Variants in DOP1B observed in about 807,000 individuals in gnomAD.
The protein encoded by DOP1B is protein DOP1B.
A neutral mutation model predicts 233.5 loss-of-function variants in DOP1B; 174 were observed. The ratio of observed to expected loss-of-function variants is 0.75; its 90% CI spans 0.66 to 0.85. The LOEUF is 0.85. DOP1B is among the 40% of genes least tolerant of loss of function. The pLI is 0.00. For missense variants in DOP1B, 2,652 were observed against 2,846.6 expected (o/e 0.93, Z 1.56); for synonymous variants, 1,190 against 1,185.6 (o/e 1.00, Z -0.08).
chr21:36,277,673 G>A lies in DOP1B; in HGVS notation c.5713-302G>A, dbSNP rs576661263. Among the ~76,000 whole-genome samples the A allele has an allele frequency of 6.5e-4, 97 of 148,812 alleles. No individual in the cohort carries two copies. The highest frequency in any genetic ancestry group is 2.4e-3 in the African/African-American group (95 of 40,394). ...CTTTCTGTTTTCTTTTTTTGAGATG[G>A]AGTCTCGCTCTGGAGTCTGCACTCA... On this transcript the variant is annotated intron_variant, in intron 28 of 36. Coordinates refer to ENST00000691173, the MANE Select transcript of DOP1B (RefSeq NM_001320714.2).
At chr21:36,286,284 T>C (rs138983291) in intron 32 of DOP1B, among the ~76,000 whole-genome samples, 33 of 152,138 alleles carry the variant, frequency 2.2e-4, no homozygotes, top group Non-Finnish European at 4.0e-4. Context: ...TTAATAACAC[T>C]GCATATGTAC....
At chr21:36,169,503 C>T in intron 2 of DOP1B, 2 of 1,120,142 alleles carry the variant, frequency 1.8e-6, no homozygotes, top group South Asian at 2.6e-5. Flanking sequence ...CCTTTGTAGC[C>T]TTTGCCCTTG....
chr21:36,287,882 G>A, intron 32 of DOP1B, 132 bp from the exon 33 acceptor site: 1 of 1,167,296 alleles, frequency 8.6e-7, no homozygotes, highest in Non-Finnish European at 1.2e-6. Context: ...ACCAAGCCTG[G>A]CCTGTAACAC....
intron 10 of DOP1B, among the ~76,000 whole-genome samples, chr21:36,221,746 T>G (rs2066625472): frequency 6.6e-6 from 1 of 151,948 alleles, no homozygotes; most frequent in Non-Finnish European, 1.5e-5. Context: ...TGGCTAATTT[T>G]TTGTATTTTT....
rs373300475 is a variant in DOP1B at position 36,215,181 on chromosome 21, G to C, written c.1129+625G>C. ...TCATACTTAAAATGAGCTTTGGTTT[G>C]ATTTTCAATTAAGTAGGGGACCCCG... On this transcript the variant is annotated intron_variant, in intron 9 of 36. Coordinates refer to ENST00000691173, the MANE Select transcript of DOP1B (RefSeq NM_001320714.2). Among the ~76,000 whole-genome samples, 20 of 152,118 alleles carry C rather than the reference G, an allele frequency of 1.3e-4. No individual in the cohort carries two copies. In the East Asian group the frequency reaches 3.7e-3, roughly 28 times the overall value.
chr21:36,203,717 A>G (rs961315125), intron 4 of DOP1B, among the ~76,000 whole-genome samples: 5 of 151,984 alleles, frequency 3.3e-5, no homozygotes, highest in South Asian at 2.1e-4. Context: ...GAAGGCTGGG[A>G]TGACTCACAG....
intron 9 of DOP1B, among the ~76,000 whole-genome samples, chr21:36,219,145 G>A (rs1248834485): frequency 3.9e-5 from 6 of 152,184 alleles, no homozygotes; most frequent in Admixed American, 6.5e-5. Context: ...GCGTAGAAGG[G>A]TGTCTGGCAC....
rs542101998 is a variant in DOP1B, at chr21:36,189,505, C to T, written c.139-9565C>T. Among the ~76,000 whole-genome samples, 18 of 151,820 alleles carry T rather than the reference C, an allele frequency of 1.2e-4. No homozygotes were observed. The South Asian group carries it at 1.5e-3, about 12-fold the overall frequency. ...ATCCCAGCACTTTGGGAGGCCAAGA[C>T]GGTGGATCACAAGGTCAGGAGTTCG... On this transcript the variant is annotated intron_variant, in intron 2 of 36. Transcript: ENST00000691173.
intron 32 of DOP1B, 144 bp from the exon 33 acceptor site, chr21:36,287,870 C>G (rs902353095): frequency 5.8e-6 from 6 of 1,032,504 alleles, no homozygotes; most frequent in Non-Finnish European, 8.2e-6. Context: ...CAAGTGCGAG[C>G]CACCAAGCCT....
At chr21:36,252,377 G>A (rs866916907) in intron 22 of DOP1B, among the ~76,000 whole-genome samples, 1 of 149,206 alleles carries the variant, frequency 6.7e-6, no homozygotes, top group South Asian at 2.1e-4. Context: ...AGGATCACTT[G>A]AAGCCAGGAA....
intron 13 of DOP1B, among the ~76,000 whole-genome samples, chr21:36,229,085 A>G (rs539135101): frequency 6.6e-6 from 1 of 152,364 alleles, no homozygotes; most frequent in African/African-American, 2.4e-5. Flanking sequence ...AACTACAGTT[A>G]ATGGGCTAGT....
intron 4 of DOP1B, among the ~76,000 whole-genome samples, chr21:36,206,479 G>T (rs1169393658): frequency 6.7e-6 from 1 of 150,338 alleles, no homozygotes; most frequent in Non-Finnish European, 1.5e-5. Flanking sequence ...GCAGTGAGCT[G>T]TGTTCATGCC....
At chr21:36,247,254 A>G (rs141188410) in intron 19 of DOP1B, among the ~76,000 whole-genome samples, 2 of 152,316 alleles carry the variant, frequency 1.3e-5, no homozygotes, top group African/African-American at 2.4e-5. Context: ...ACTCTCTACT[A>G]TTTTTGCAAA....
At chr21:36,174,658 G>A (rs984093621) in intron 2 of DOP1B, among the ~76,000 whole-genome samples, 2 of 152,108 alleles carry the variant, frequency 1.3e-5, no homozygotes, top group Middle Eastern at 3.2e-3. Flanking sequence ...GCATGTGTGC[G>A]CTACCATGCC....
intron 23 of DOP1B, among the ~76,000 whole-genome samples, chr21:36,260,161 A>G (rs1370053312): frequency 2.7e-3 from 5 of 1,842 alleles, no homozygotes; most frequent in Admixed American, 0.026. Flanking sequence ...TGTAAAAAGA[A>G]AAAAAAAAAA....
intron 13 of DOP1B, 69 bp from the exon 14 acceptor site, chr21:36,230,381 G>A: frequency 6.8e-7 from 1 of 1,475,018 alleles, no homozygotes; most frequent in East Asian, 2.3e-5. Context: ...ATACATTCAT[G>A]ATTTCAACTG....
At chr21:36,197,134 A>G (rs773739053) in intron 2 of DOP1B, among the ~76,000 whole-genome samples, 1 of 151,820 alleles carries the variant, frequency 6.6e-6, no homozygotes, top group Non-Finnish European at 1.5e-5. Flanking sequence ...GGGTTTCATC[A>G]TGTTGGCCAG....
chr21:36,286,962 TC>T (rs1266545100), intron 32 of DOP1B, among the ~76,000 whole-genome samples: 1 of 147,672 alleles, frequency 6.8e-6, no homozygotes. Flanking sequence ...AGACTCCATC[TC>T]AAAAAAAAAA....
rs944654306 is a variant in DOP1B at position 36,200,363 on chromosome 21, C to A, written c.353C>A (p.Ala118Glu). The A allele has an allele frequency of 1.2e-6, 2 of 1,608,078 alleles. No individual in the cohort carries two copies. Among genetic ancestry groups the A allele is most frequent in the Non-Finnish European group, 1.7e-6 (2 of 1,177,898 alleles). ...CGLFPLLAHA[A>E]VSVRPVLLTL... ...TTATTTCCTCTCCTGGCACACGCGG[C>A]GGTGTCGGTGAGGCCGGTGCTGCTC... The change falls in exon 4 of 37, where the codon GCG (alanine) becomes GAG (glutamate). Residue 118 changes from alanine (A) to glutamate (E), a missense_variant. Around this residue, in one of 3 missense-constraint regions of DOP1B, gnomAD observed 2,617 missense variants for 2,794.3 expected, o/e 0.94. Coordinates refer to ENST00000691173, the MANE Select transcript of DOP1B (RefSeq NM_001320714.2).
Sources: allele counts gnomAD v4.1 joint callset (sites outside exome capture counted in the v4.1 genomes callset), GRCh38; gene constraint gnomAD v4.1.1; regional missense constraint gnomAD v4.1.1; transcripts MANE v1.5; gene names NCBI Gene and HGNC (gene_info 2026-07-23, HGNC 2026-07-21).